Variants in CXADR observed in about 807,000 individuals in gnomAD.
The protein encoded by CXADR is CXADR cell adhesion molecule.
In CXADR, 20 loss-of-function variants were observed where a neutral mutation model predicts 40.3. The observed-to-expected ratio is 0.50, with a 90% confidence interval of 0.35 to 0.72. The LOEUF is 0.72. Among genes scored for constraint, CXADR ranks in the 30% least tolerant of loss-of-function variants. The pLI is 0.01. For synonymous variants in CXADR, 150 were observed against 161.3 expected (o/e 0.93, Z 0.53); for missense variants, 332 against 449.1 (o/e 0.74, Z 2.36).
the CXADR span, chr21:17,604,085 G>A: frequency 1.5e-5 from 18 of 1,231,258 alleles, no homozygotes; most frequent in African/African-American, 1.6e-5. Context: ...TTCATTAGGA[G>A]ATGTGAAAAA....
At position 17,529,034 on chromosome 21, in the gene CXADR, C is replaced by CTTT. The variant is rs10530177; in HGVS notation, c.43+15882_43+15884dup. On this transcript the variant is annotated intron_variant, in intron 1 of 6. Coordinates refer to ENST00000284878, the MANE Select transcript of CXADR (RefSeq NM_001338.5). ...TGTCCAATTTGACTGGACTTTTTGT[C>CTTT]TTTTTTTTTTTTTTTTTTTTTTGAG... 1.4e-3 allele frequency among the ~76,000 whole-genome samples: 175 copies of CTTT among 121,364 alleles called. 2 individuals carry two copies. The highest frequency in any genetic ancestry group is 2.7e-3 in the African/African-American group (93 of 33,874). 79.6% of individuals were successfully genotyped at this position (121,364 alleles called of 152,430 possible). A position where few individuals can be genotyped will look rare whatever the true frequency, so the allele number is the denominator to read the frequency against.
chr21:17,579,089 A>G (rs77285730), intron 7 of CXADR, among the ~76,000 whole-genome samples: 3,680 of 152,228 alleles, frequency 0.024, 59 homozygotes, highest in Middle Eastern at 0.048. Flanking sequence ...AACTAGAAGC[A>G]GGGCAAAGGT....
At chr21:17,612,280 G>A in the CXADR span, 1 of 152,106 alleles carries the variant, frequency 6.6e-6, no homozygotes, top group South Asian at 2.1e-4. Flanking sequence ...GGGCGGCCCT[G>A]GGTTCGAGGA....
At chr21:17,603,800 C>A in the CXADR span, among the ~76,000 whole-genome samples, 1 of 152,190 alleles carries the variant, frequency 6.6e-6, no homozygotes, top group Non-Finnish European at 1.5e-5. Context: ...TCAAGTATCA[C>A]CTACTCAGTA....
chr21:17,632,493 G>C, the CXADR span, among the ~76,000 whole-genome samples: 1 of 152,214 alleles, frequency 6.6e-6, no homozygotes, highest in Non-Finnish European at 1.5e-5. Context: ...GGTTAGAACA[G>C]GCTGGTCAAG....
intron 1 of CXADR, among the ~76,000 whole-genome samples, chr21:17,524,865 C>T (rs1194838232): frequency 6.7e-6 from 1 of 149,652 alleles, no homozygotes; most frequent in Non-Finnish European, 1.5e-5. Flanking sequence ...GCTATGATTG[C>T]ACCACCGCAC....
At chr21:17,549,296 C>G (rs1165221186) in intron 2 of CXADR, among the ~76,000 whole-genome samples, 1 of 152,214 alleles carries the variant, frequency 6.6e-6, no homozygotes, top group Non-Finnish European at 1.5e-5. Context: ...GCTCTGTTAT[C>G]ATTTGCACTG....
At chr21:17,550,308 C>T (rs1445258876) in intron 2 of CXADR, among the ~76,000 whole-genome samples, 2 of 149,548 alleles carry the variant, frequency 1.3e-5, no homozygotes, top group South Asian at 2.1e-4. Flanking sequence ...GAGCCAAGAT[C>T]GCACCACTGC....
chr21:17,605,937 A>G, the CXADR span, among the ~76,000 whole-genome samples: 1 of 152,198 alleles, frequency 6.6e-6, no homozygotes, highest in Non-Finnish European at 1.5e-5. Context: ...ATACAAGTTA[A>G]TTGATGAATA....
exon 8 of CXADR, chr21:17,593,331 A>G (rs1265292230): frequency 2.7e-6 from 2 of 752,830 alleles, no homozygotes; most frequent in African/African-American, 1.8e-5. Flanking sequence ...ACTTTATGCA[A>G]TGGCATTAGA....
At chr21:17,552,018 G>C in intron 3 of CXADR, 65 bp downstream of exon 3, 1 of 1,193,258 alleles carries the variant, frequency 8.4e-7, no homozygotes, top group Non-Finnish European at 1.2e-6. Flanking sequence ...TAGTACTGTA[G>C]TAGCAGCACT....
the CXADR span, chr21:17,599,086 A>C: frequency 2.9e-6 from 1 of 342,870 alleles, no homozygotes; most frequent in Non-Finnish European, 5.2e-6. Flanking sequence ...ATTCCTAAAA[A>C]AAAAATTGTT....
chr21:17,606,441 T>A, the CXADR span, among the ~76,000 whole-genome samples: 1 of 152,190 alleles, frequency 6.6e-6, no homozygotes, highest in Non-Finnish European at 1.5e-5. Flanking sequence ...TACTGCTTAG[T>A]CCTTTTAAAA....
chr21:17,596,844 C>T (rs2061510458), downstream of CXADR, among the ~76,000 whole-genome samples: 1 of 152,070 alleles, frequency 6.6e-6, no homozygotes. Flanking sequence ...ACACAATCTT[C>T]ATTTCTTCGT....
intron 7 of CXADR, among the ~76,000 whole-genome samples, chr21:17,577,106 A>G (rs1474678647): frequency 1.3e-5 from 2 of 152,084 alleles, no homozygotes; most frequent in Non-Finnish European, 2.9e-5. Context: ...CAGTAACGAG[A>G]GTGCCTCTGC....
rs1252810048 is a variant in CXADR at position 17,569,295 on chromosome 21, G to A, written c.*3603G>A. On this transcript the variant is annotated 3_prime_UTR_variant, in exon 7 of 7. Transcript: ENST00000284878. ...TTTTATGTGGTTAATGCTTTGATGTGTCACATAAAGAGTAGTTTGTAGAAA... is the reference window on the plus strand; with the variant it reads ...TTTTATGTGGTTAATGCTTTGATGTATCACATAAAGAGTAGTTTGTAGAAA... 83 of 985,126 alleles carry A rather than the reference G, an allele frequency of 8.4e-5. No individual in the cohort carries two copies. The highest frequency in any genetic ancestry group is 9.8e-5 in the Non-Finnish European group (81 of 829,904). 61.0% of individuals were successfully genotyped at this position (985,126 alleles called of 1,614,324 possible). A position where few individuals can be genotyped will look rare whatever the true frequency, so the allele number is the denominator to read the frequency against.
chr21:17,514,637 C>G (rs988151740), intron 1 of CXADR, among the ~76,000 whole-genome samples: 2 of 141,286 alleles, frequency 1.4e-5, no homozygotes, highest in Non-Finnish European at 3.1e-5. Context: ...TGTGGAGGAA[C>G]TTTTTTTTTT....
intron 1 of CXADR, among the ~76,000 whole-genome samples, chr21:17,522,200 G>T (rs149427377): frequency 0.023 from 3,469 of 151,764 alleles, 56 homozygotes; most frequent in Middle Eastern, 0.054. Flanking sequence ...CCAGGCTAGA[G>T]TGCAATGGCG....
At chr21:17,587,317 G>C (rs1416963110) in intron 7 of CXADR, among the ~76,000 whole-genome samples, 4 of 152,082 alleles carry the variant, frequency 2.6e-5, no homozygotes. Context: ...TCGCCACACT[G>C]ACTTCCACAA....
Sources: allele counts gnomAD v4.1 joint callset (sites outside exome capture counted in the v4.1 genomes callset), GRCh38; gene constraint gnomAD v4.1.1; transcripts MANE v1.5; gene names NCBI Gene and HGNC (gene_info 2026-07-23, HGNC 2026-07-21).